Variants in KPNB1 observed in about 807,000 individuals in gnomAD.
KPNB1 encodes importin subunit beta-1.
In KPNB1, 7 loss-of-function variants were observed where a neutral mutation model predicts 113.0. That is an observed-to-expected ratio of 0.06 (90% CI 0.04 to 0.12). The LOEUF (loss-of-function observed/expected upper bound fraction) is 0.12. KPNB1 is among the 10% of genes least tolerant of loss of function. KPNB1 has a pLI of 1.00. For missense variants in KPNB1, 400 were observed against 1,054.8 expected (o/e 0.38, Z 8.60); for synonymous variants, 363 against 378.6 (o/e 0.96, Z 0.48).
At chr17:47,665,754 C>T (rs2143130132) in intron 9 of KPNB1, among the ~76,000 whole-genome samples, 1 of 152,254 alleles carries the variant, frequency 6.6e-6, no homozygotes, top group South Asian at 2.1e-4. Flanking sequence ...AGGACCGTGT[C>T]CTGGTTGCTT....
intron 21 of KPNB1, 99 bp from the exon 22 acceptor site, chr17:47,682,305 A>G: frequency 1.3e-6 from 1 of 753,090 alleles, no homozygotes; most frequent in East Asian, 2.4e-5. Flanking sequence ...GACAAATTCC[A>G]TTCAGGCCTA....
Position 47,669,985 on chromosome 17 carries a change from T to C in KPNB1, c.1416+116T>C. The C allele has an allele frequency of 3.9e-6, 3 of 766,056 alleles. No homozygotes were observed. The South Asian group carries it at 5.5e-5, about 14-fold the overall frequency. The allele number at this position is 766,056 out of a possible 1,614,324, so 47.5% of individuals were successfully genotyped here. ...CTGGAATGCTTTTTCTGATTTTCTT[T>C]CTAATTTATTCAATTAAAATGTGGG... On this transcript the variant is annotated intron_variant, in intron 11 of 21. Coordinates refer to ENST00000290158, the MANE Select transcript of KPNB1 (RefSeq NM_002265.6).
chr17:47,665,280 C>A, intron 9 of KPNB1, 122 bp downstream of exon 9: 1 of 742,748 alleles, frequency 1.3e-6, no homozygotes, highest in Non-Finnish European at 2.3e-6. Flanking sequence ...TTGTTGATGA[C>A]TTAGAAACAG....
At chr17:47,667,273 TG>T (rs1168763489) in intron 9 of KPNB1, among the ~76,000 whole-genome samples, 1 of 151,926 alleles carries the variant, frequency 6.6e-6, no homozygotes, top group African/African-American at 2.4e-5. Context: ...TTAACAGGTG[TG>T]TGCCACTATA....
chr17:47,655,709 C>T (rs1314078957), intron 3 of KPNB1, among the ~76,000 whole-genome samples: 6 of 152,188 alleles, frequency 3.9e-5, no homozygotes, highest in Non-Finnish European at 5.9e-5. Flanking sequence ...GTCTACAAAA[C>T]GAGGGTGTGA....
chr17:47,675,372 G>GTTTTTTTTT (rs755565036), intron 15 of KPNB1, among the ~76,000 whole-genome samples: 1 of 86,076 alleles, frequency 1.2e-5, no homozygotes, highest in African/African-American at 5.1e-5. Context: ...TTTTTTTTTT[G>GTTTTTTTTT]TTTTTTTTTT....
chr17:47,678,603 T>A (rs897603006), intron 19 of KPNB1, 190 bp downstream of exon 19: 41 of 570,940 alleles, frequency 7.2e-5, no homozygotes, highest in African/African-American at 5.2e-4. Context: ...TTTGCTCTGC[T>A]TCTTCTTTCT....
intron 15 of KPNB1, among the ~76,000 whole-genome samples, chr17:47,675,372 G>GTTTTT (rs755565036): frequency 9.3e-5 from 8 of 86,072 alleles, no homozygotes; most frequent in African/African-American, 2.6e-4. Flanking sequence ...TTTTTTTTTT[G>GTTTTT]TTTTTTTTTT....
intron 3 of KPNB1, 113 bp from the exon 4 acceptor site, chr17:47,656,747 T>TAAGA: frequency 9.5e-7 from 1 of 1,055,162 alleles, no homozygotes; most frequent in East Asian, 2.5e-5. Context: ...GACCCTGTCT[T>TAAGA]AAGAAAGAAA....
chr17:47,662,773 C>T (rs1391347763), intron 6 of KPNB1, among the ~76,000 whole-genome samples: 1 of 151,966 alleles, frequency 6.6e-6, no homozygotes, highest in Non-Finnish European at 1.5e-5. Context: ...GTCCCAGCTA[C>T]TTGGAAGGCT....
At chr17:47,658,463 C>A in intron 4 of KPNB1, 45 bp from the exon 5 acceptor site, 1 of 1,577,070 alleles carries the variant, frequency 6.3e-7, no homozygotes. Context: ...CCCATGGCTG[C>A]AGAGGGCTGA....
intron 9 of KPNB1, among the ~76,000 whole-genome samples, 195 bp from the exon 10 acceptor site, chr17:47,667,991 T>A (rs1180540067): frequency 1.3e-5 from 2 of 152,236 alleles, no homozygotes; most frequent in Admixed American, 1.3e-4. Flanking sequence ...CTAAATGGAA[T>A]CTTCTTCCAT....
intron 9 of KPNB1, among the ~76,000 whole-genome samples, chr17:47,666,515 ATT>A (rs1287744531): frequency 7.3e-6 from 1 of 136,126 alleles, no homozygotes; most frequent in African/African-American, 2.7e-5. Context: ...TATATATTAT[ATT>A]TTATATGTAT....
chr17:47,675,404 C>G (rs1270692366), intron 15 of KPNB1, among the ~76,000 whole-genome samples: 1 of 67,052 alleles, frequency 1.5e-5, no homozygotes, highest in Non-Finnish European at 3.1e-5. Context: ...TTTTTTGAGA[C>G]TTGTTCTGTT....
At position 47,670,826 on chromosome 17, in the gene KPNB1, C is replaced by A; in HGVS notation, c.1541C>A (p.Thr514Lys). 6.2e-7 allele frequency: 1 copy of A among 1,601,316 alleles called. No homozygotes were observed. Among genetic ancestry groups the A allele is most frequent in the Non-Finnish European group, 8.5e-7 (1 of 1,169,694 alleles). The change falls in exon 12 of 22, where the codon ACA (threonine) becomes AAA (lysine). Residue 514 changes from threonine (T) to lysine (K), a missense_variant. Physicochemically the swap from Thr to Lys is moderately conservative, Grantham distance 78. Transcript: ENST00000290158. ...ELIVQKLLET[T>K]DRPDGHQNNL... is the part of the protein sequence containing the mutation. ...ATAGTTCAGAAGCTCCTAGAGACTACAGACAGGTAACTGATATTTCACAGA... is the reference window on the plus strand; with the variant it reads ...ATAGTTCAGAAGCTCCTAGAGACTAAAGACAGGTAACTGATATTTCACAGA...
At chr17:47,654,337 C>G (rs556361215) in intron 3 of KPNB1, among the ~76,000 whole-genome samples, 55 of 151,376 alleles carry the variant, frequency 3.6e-4, no homozygotes, top group African/African-American at 1.3e-3. Flanking sequence ...ATTGCTTGAA[C>G]CTGGGAGGCG....
At chr17:47,679,727 T>C (rs2030715459) in intron 19 of KPNB1, among the ~76,000 whole-genome samples, 1 of 152,006 alleles carries the variant, frequency 6.6e-6, no homozygotes, top group African/African-American at 2.4e-5. Flanking sequence ...GATGGAATCT[T>C]GCTCTGTCGC....
chr17:47,672,012 TCTTC>T (rs2143153377), intron 12 of KPNB1: 1 of 127,912 alleles, frequency 7.8e-6, no homozygotes, highest in South Asian at 2.9e-4. Flanking sequence ...GAGCACAAAA[TCTTC>T]CTTTTTTTTT....
intron 8 of KPNB1, among the ~76,000 whole-genome samples, chr17:47,664,791 C>T (rs1201248485): frequency 6.6e-6 from 1 of 151,980 alleles, no homozygotes; most frequent in Non-Finnish European, 1.5e-5. Flanking sequence ...ATCCAAGGAA[C>T]ACTGAAATAT....
Sources: allele counts gnomAD v4.1 joint callset (sites outside exome capture counted in the v4.1 genomes callset), GRCh38; gene constraint gnomAD v4.1.1; transcripts MANE v1.5; gene names NCBI Gene and HGNC (gene_info 2026-07-23, HGNC 2026-07-21).